Variants in PPP2R2B observed in about 807,000 individuals in gnomAD.
PPP2R2B encodes protein phosphatase 2 regulatory subunit Bbeta, also known as serine/threonine-protein phosphatase 2A 55 kDa regulatory subunit B beta isoform.
A neutral mutation model predicts 46.0 loss-of-function variants in PPP2R2B; 5 were observed. The observed-to-expected ratio is 0.11, with a 90% confidence interval of 0.06 to 0.23. The LOEUF (loss-of-function observed/expected upper bound fraction) is 0.23. PPP2R2B is among the 10% of genes least tolerant of loss of function. The probability of loss-of-function intolerance (pLI) is 1.00; values close to 1 mark genes in which losing one functional copy is unlikely to be tolerated. For synonymous variants in PPP2R2B, 215 were observed against 206.7 expected (o/e 1.04, Z -0.34); for missense variants, 367 against 575.0 (o/e 0.64, Z 3.70).
intron 1 of PPP2R2B, among the ~76,000 whole-genome samples, chr5:147,004,393 G>C (rs1754330525): frequency 6.6e-6 from 1 of 152,178 alleles, no homozygotes; most frequent in East Asian, 1.9e-4. Flanking sequence ...TGAGCCCTGG[G>C]TACATTTAAC....
chr5:146,726,800 G>T lies in PPP2R2B; in HGVS notation c.71-25658C>A, dbSNP rs113503010. 5.4e-3 allele frequency among the ~76,000 whole-genome samples: 820 copies of T among 152,218 alleles called. 4 individuals carry two copies. Among genetic ancestry groups the T allele is most frequent in the African/African-American group, 0.019 (780 of 41,532 alleles). ...TTTGCTGTATAAATTATCCAAAGTC[G>T]CTTATGTTCATAAATGCTCCTGGGG... On this transcript the variant is annotated intron_variant, in intron 2 of 9. Transcript: ENST00000394411.
chr5:146,630,302 C>G (rs1206697754), intron 7 of PPP2R2B, among the ~76,000 whole-genome samples: 3 of 152,232 alleles, frequency 2.0e-5, no homozygotes, highest in Non-Finnish European at 4.4e-5. Flanking sequence ...TACTTCCTGA[C>G]CCTGCTAATT....
chr5:146,840,571 C>T (rs2151368775), intron 2 of PPP2R2B, among the ~76,000 whole-genome samples: 1 of 152,302 alleles, frequency 6.6e-6, no homozygotes, highest in Middle Eastern at 3.4e-3. Context: ...CACATCTAGA[C>T]ACTCCTAAAA....
chr5:146,692,526 A>AT (rs1778917586), intron 4 of PPP2R2B, among the ~76,000 whole-genome samples: 6 of 143,638 alleles, frequency 4.2e-5, no homozygotes, highest in African/African-American at 1.3e-4. Flanking sequence ...CTTTTAATTC[A>AT]ATTTTTTTTT....
intron 1 of PPP2R2B, among the ~76,000 whole-genome samples, chr5:146,932,440 T>G (rs1763998865): frequency 1.3e-5 from 2 of 152,140 alleles, no homozygotes; most frequent in African/African-American, 4.8e-5. Context: ...CTTGTGATAG[T>G]GAGTTCTCAG....
At chr5:146,626,766 A>G (rs1022799842) in intron 7 of PPP2R2B, among the ~76,000 whole-genome samples, 1 of 152,170 alleles carries the variant, frequency 6.6e-6, no homozygotes. Context: ...GTGGGAGCCA[A>G]TTTTGACCTT....
chr5:146,817,890 G>A (rs116652717), intron 2 of PPP2R2B, among the ~76,000 whole-genome samples: 1,602 of 152,232 alleles, frequency 0.011, 19 homozygotes, highest in African/African-American at 0.037. Context: ...CATGACTCTG[G>A]CTCCCATAAA....
intron 1 of PPP2R2B, among the ~76,000 whole-genome samples, chr5:147,045,486 C>T (rs1193593789): frequency 6.6e-6 from 1 of 152,030 alleles, no homozygotes; most frequent in African/African-American, 2.4e-5. Flanking sequence ...TGTGTAAGCA[C>T]AGACTGTGTT....
intron 2 of PPP2R2B, among the ~76,000 whole-genome samples, chr5:146,829,065 A>C (rs1315109947): frequency 6.6e-6 from 1 of 152,170 alleles, no homozygotes; most frequent in Non-Finnish European, 1.5e-5. Context: ...TTTTTAAAAA[A>C]ACCTGCTTAA....
Position 146,929,380 on chromosome 5 carries a change from G to A in PPP2R2B, c.79+126285C>T, listed in dbSNP as rs75299512. Among the ~76,000 whole-genome samples the A allele has an allele frequency of 2.0e-3, 302 of 152,186 alleles. 1 individual carries two copies. Among genetic ancestry groups the A allele is most frequent in the African/African-American group, 6.6e-3 (272 of 41,504 alleles). ...GACATTCAAAAAACATCTGTTGAAC[G>A]AACAAGTCAGCAGTGGTTCTATGGT... On this transcript the variant is annotated intron_variant, in intron 1 of 8. Coordinates refer to the PPP2R2B transcript ENST00000336640.
intron 1 of PPP2R2B, among the ~76,000 whole-genome samples, chr5:146,907,088 A>T (rs1263236587): frequency 6.6e-6 from 1 of 152,216 alleles, no homozygotes; most frequent in Non-Finnish European, 1.5e-5. Context: ...GCAGGATGCC[A>T]TTCCGACAGG....
intron 1 of PPP2R2B, among the ~76,000 whole-genome samples, chr5:146,984,286 T>G (rs1753319786): frequency 6.6e-6 from 1 of 152,208 alleles, no homozygotes; most frequent in African/African-American, 2.4e-5. Context: ...ATCATTCTAC[T>G]CTCTGCTTCT....
chr5:146,881,912 C>T (rs969276065), upstream of PPP2R2B, among the ~76,000 whole-genome samples: 7 of 151,952 alleles, frequency 4.6e-5, no homozygotes, highest in Admixed American at 3.3e-4. Context: ...AAGCTGTATT[C>T]CTATTGAAAT....
chr5:146,789,107 T>C (rs1292547108), intron 2 of PPP2R2B, among the ~76,000 whole-genome samples: 2 of 152,174 alleles, frequency 1.3e-5, no homozygotes, highest in Non-Finnish European at 2.9e-5. Flanking sequence ...AGGTGGCCAC[T>C]GTTGAGATCA....
chr5:147,061,365 C>T (rs1391837191), intron 2 of PPP2R2B, among the ~76,000 whole-genome samples: 1 of 152,160 alleles, frequency 6.6e-6, no homozygotes, highest in Non-Finnish European at 1.5e-5. Flanking sequence ...AAATGAAAGA[C>T]AAATTAATGG....
chr5:146,592,979 C>T lies in PPP2R2B; in HGVS notation c.1044G>A (p.Gly348=). The T allele has an allele frequency of 2.9e-5, 46 of 1,611,422 alleles. No individual in the cohort carries two copies. The highest frequency in any genetic ancestry group is 3.9e-5 in the Non-Finnish European group (46 of 1,177,562). Residue 348 remains glycine, a synonymous_variant, in exon 9 of 10, where the codon GGG becomes GGA. Coordinates refer to ENST00000394411, the MANE Select transcript of PPP2R2B (RefSeq NM_181675.4). ...IFDKFECVWN[G]SDSVIMTGSY... ...CACAGAGCCTTTCTTACCTGTCTGACCCATTCCACACACACTCAAATTTAT... is the reference window on the plus strand; with the variant it reads ...CACAGAGCCTTTCTTACCTGTCTGATCCATTCCACACACACTCAAATTTAT...
intron 1 of PPP2R2B, among the ~76,000 whole-genome samples, chr5:146,904,722 A>T (rs534646823): frequency 1.3e-5 from 2 of 152,346 alleles, no homozygotes; most frequent in East Asian, 3.9e-4. Flanking sequence ...AGAGAAAAGC[A>T]GAAACAGTTA....
rs373046049 is a variant in PPP2R2B, at chr5:146,789,768, C to A, written c.70+88234G>T. ...TATTAAATAGGTGGTCAGGGCTGAC[C>A]TCTCTGAGGAGTGACAACTGAGCCT... On this transcript the variant is annotated intron_variant, in intron 2 of 9. Coordinates refer to ENST00000394411, the MANE Select transcript of PPP2R2B (RefSeq NM_181675.4). Among the ~76,000 whole-genome samples, 108 of 152,174 alleles carry A rather than the reference C, an allele frequency of 7.1e-4. 1 individual carries two copies. The South Asian group carries it at 0.011, about 15-fold the overall frequency.
chr5:147,057,274 C>A (rs1041241280), upstream of PPP2R2B, among the ~76,000 whole-genome samples: 2 of 152,188 alleles, frequency 1.3e-5, no homozygotes, highest in African/African-American at 4.8e-5. Flanking sequence ...ATCATATTAC[C>A]TCCTTAGACC....
Sources: allele counts gnomAD v4.1 joint callset (sites outside exome capture counted in the v4.1 genomes callset), GRCh38; gene constraint gnomAD v4.1.1; transcripts MANE v1.5; gene names NCBI Gene and HGNC (gene_info 2026-07-23, HGNC 2026-07-21).